The following CSMD1 variants were observed in gnomAD, a reference collection of about 807,000 sequenced individuals.
CSMD1 encodes the protein CUB and Sushi multiple domains 1.
A neutral mutation model predicts 417.5 loss-of-function variants in CSMD1; 213 were observed. The ratio of observed to expected loss-of-function variants is 0.51; its 90% CI spans 0.46 to 0.57. The LOEUF is 0.57. Among genes scored for constraint, CSMD1 ranks in the 20% least tolerant of loss-of-function variants. The probability of loss-of-function intolerance (pLI) is 0.00; values close to 1 mark genes in which losing one functional copy is unlikely to be tolerated. For missense variants in CSMD1, 6,923 were observed against 4,529.7 expected, an observed-to-expected ratio of 1.53 and a Z score of -15.17; for synonymous variants, 2,862 against 1,736.8, an observed-to-expected ratio of 1.65 and a Z score of -16.11.
intron 3 of CSMD1, among the ~76,000 whole-genome samples, chr8:4,045,197 G>C (rs1418534851): frequency 6.6e-6 from 1 of 152,138 alleles, no homozygotes; most frequent in Non-Finnish European, 1.5e-5. Context: ...ACTCATCTCT[G>C]AGGAACCCAC....
At chr8:4,824,276 C>G (rs1799687119) in intron 1 of CSMD1, among the ~76,000 whole-genome samples, 1 of 151,942 alleles carries the variant, frequency 6.6e-6, no homozygotes, top group South Asian at 2.1e-4. Flanking sequence ...ATGAAATACA[C>G]AAGTTTTTCT....
chr8:4,391,304 T>C (rs1000124352), intron 3 of CSMD1, among the ~76,000 whole-genome samples: 4 of 152,216 alleles, frequency 2.6e-5, no homozygotes, highest in African/African-American at 4.8e-5. Flanking sequence ...CTTTCTTCTC[T>C]TAAGACATGG....
intron 2 of CSMD1, among the ~76,000 whole-genome samples, chr8:4,481,831 G>A (rs576349199): frequency 2.0e-5 from 3 of 152,082 alleles, no homozygotes; most frequent in Admixed American, 6.5e-5. Context: ...AATCCCAGGA[G>A]GTAGGTACTC....
At chr8:3,293,133 T>C (rs941615663) in intron 25 of CSMD1, among the ~76,000 whole-genome samples, 52 of 124,048 alleles carry the variant, frequency 4.2e-4, no homozygotes, top group Non-Finnish European at 6.1e-4. Flanking sequence ...ATTCTTTCTT[T>C]TAAGAATGTT....
At chr8:3,402,201 A>G (rs1812078438) in intron 15 of CSMD1, among the ~76,000 whole-genome samples, 1 of 152,182 alleles carries the variant, frequency 6.6e-6, no homozygotes, top group Non-Finnish European at 1.5e-5. Flanking sequence ...GACTTGAAAG[A>G]GAACTCACTC....
chr8:4,089,151 G>A (rs757896456), intron 3 of CSMD1, among the ~76,000 whole-genome samples: 9 of 152,152 alleles, frequency 5.9e-5, no homozygotes, highest in Non-Finnish European at 1.2e-4. Flanking sequence ...AACATTGCTT[G>A]GCAAGACATT....
chr8:3,932,067 A>G (rs374964590), intron 5 of CSMD1, among the ~76,000 whole-genome samples: 2 of 150,490 alleles, frequency 1.3e-5, no homozygotes, highest in South Asian at 4.3e-4. Context: ...GATTCAATAT[A>G]AACATATCTA....
At chr8:3,963,556 C>A (rs1320741720) in intron 5 of CSMD1, among the ~76,000 whole-genome samples, 2 of 151,876 alleles carry the variant, frequency 1.3e-5, no homozygotes, top group Non-Finnish European at 2.9e-5. Context: ...ATTCGTATTT[C>A]AATTTAAAAA....
intron 5 of CSMD1, among the ~76,000 whole-genome samples, chr8:3,777,874 C>G (rs532105916): frequency 1.5e-4 from 22 of 150,764 alleles, no homozygotes; most frequent in Admixed American, 4.0e-4. Context: ...TCCAGACCCG[C>G]AGTCTCCTTG....
rs992049816 is a variant in CSMD1 at position 4,047,889 on chromosome 8, C to G, written c.416-15790G>C. On this transcript the variant is annotated intron_variant, in intron 3 of 69. Coordinates refer to ENST00000635120, the MANE Select transcript of CSMD1 (RefSeq NM_033225.6). ...TAATAATAATATTTACATCACTGAGCCTTTAGTTTGATTTTATGTAGTATT... is the reference window on the plus strand; with the variant it reads ...TAATAATAATATTTACATCACTGAGGCTTTAGTTTGATTTTATGTAGTATT... Among the ~76,000 whole-genome samples, 5 of 151,688 alleles carry G rather than the reference C, an allele frequency of 3.3e-5. No individual in the cohort carries two copies. The East Asian group carries it at 7.7e-4, about 23-fold the overall frequency.
intron 6 of CSMD1, among the ~76,000 whole-genome samples, chr8:3,725,538 C>A (rs1267068649): frequency 6.6e-6 from 1 of 152,018 alleles, no homozygotes; most frequent in Non-Finnish European, 1.5e-5. Context: ...GGGTTTGTGT[C>A]CCTCCCATGA....
At chr8:3,436,779 T>C (rs1395830631) in intron 12 of CSMD1, among the ~76,000 whole-genome samples, 2 of 152,188 alleles carry the variant, frequency 1.3e-5, no homozygotes, top group East Asian at 3.9e-4. Flanking sequence ...AAAAAGATAT[T>C]TTCTTCTTCT....
intron 3 of CSMD1, among the ~76,000 whole-genome samples, chr8:4,381,208 C>A (rs190697147): frequency 1.4e-3 from 214 of 152,156 alleles, no homozygotes; most frequent in African/African-American, 5.0e-3. Flanking sequence ...ATTTGCTGCA[C>A]GGATTTAAAA....
At chr8:3,942,088 T>G (rs775534061) in intron 5 of CSMD1, among the ~76,000 whole-genome samples, 1 of 151,898 alleles carries the variant, frequency 6.6e-6, no homozygotes, top group South Asian at 2.1e-4. Context: ...TTCGAGCTCC[T>G]TGTGAGAATC....
rs529651492 is a variant in CSMD1, at chr8:4,612,182, T to TA, written c.302+25159dup. ...GGTCGGTGGCTTGAACGCTGAGTGC[T>TA]AAAAAAAACTGGCTGCAGGCACACT... On this transcript the variant is annotated intron_variant, in intron 2 of 69. Coordinates refer to ENST00000635120, the MANE Select transcript of CSMD1 (RefSeq NM_033225.6). Among the ~76,000 whole-genome samples, 132 of 152,034 alleles carry TA rather than the reference T, an allele frequency of 8.7e-4. No homozygotes were observed. The East Asian group carries it at 0.014, about 16-fold the overall frequency.
intron 1 of CSMD1, among the ~76,000 whole-genome samples, chr8:4,726,021 G>T (rs568985772): frequency 9.2e-5 from 14 of 152,070 alleles, no homozygotes; most frequent in African/African-American, 2.9e-4. Context: ...TCTCATAATG[G>T]ATTTTTCTGG....
intron 3 of CSMD1, among the ~76,000 whole-genome samples, chr8:4,361,504 C>T (rs13270369): frequency 0.34 from 51,378 of 151,892 alleles, 9,551 homozygotes; most frequent in African/African-American, 0.5. Context: ...GATTAGAAGA[C>T]GGAGGCCTGC....
chr8:3,307,292 G>A (rs937239205), intron 25 of CSMD1, among the ~76,000 whole-genome samples: 1 of 151,536 alleles, frequency 6.6e-6, no homozygotes, highest in South Asian at 2.1e-4. Flanking sequence ...GGTGTGCAGG[G>A]GCTCCTGCTT....
intron 3 of CSMD1, among the ~76,000 whole-genome samples, chr8:4,287,979 A>G (rs1797155067): frequency 6.6e-6 from 1 of 152,186 alleles, no homozygotes; most frequent in South Asian, 2.1e-4. Flanking sequence ...ATATGATAAT[A>G]AAATTAAGGT....
Sources: allele counts gnomAD v4.1 joint callset (sites outside exome capture counted in the v4.1 genomes callset), GRCh38; gene constraint gnomAD v4.1.1; transcripts MANE v1.5; gene names NCBI Gene and HGNC (gene_info 2026-07-23, HGNC 2026-07-21).